ASTN1: variants seen among roughly 807,000 people sequenced by gnomAD.
The protein encoded by ASTN1 is astrotactin-1.
A neutral mutation model predicts 140.7 loss-of-function variants in ASTN1; 41 were observed. The ratio of observed to expected loss-of-function variants is 0.29; its 90% confidence interval spans 0.23 to 0.38. The LOEUF (loss-of-function observed/expected upper bound fraction) is 0.38, where lower values mean the gene tolerates loss of function less well. ASTN1 is among the 10% of genes least tolerant of loss of function. The pLI is 1.00. For missense variants in ASTN1, 1,479 were observed against 1,678.8 expected (o/e 0.88, Z 2.08); for synonymous variants, 640 against 652.2 (o/e 0.98, Z 0.29).
chr1:177,140,049 A>G (rs1475836003), intron 1 of ASTN1, among the ~76,000 whole-genome samples: 1 of 152,244 alleles, frequency 6.6e-6, no homozygotes, highest in Non-Finnish European at 1.5e-5. Context: ...GAACTCAAAA[A>G]TGTCCAGTTG....
chr1:177,067,456 C>T (rs552792123), intron 1 of ASTN1, among the ~76,000 whole-genome samples: 3 of 152,056 alleles, frequency 2.0e-5, no homozygotes, highest in Non-Finnish European at 2.9e-5. Context: ...AAAGATAGGC[C>T]TATGATAGAA....
intron 5 of ASTN1, among the ~76,000 whole-genome samples, chr1:177,027,948 A>T (rs1282588309): frequency 2.6e-5 from 4 of 151,836 alleles, no homozygotes; most frequent in African/African-American, 9.7e-5. Flanking sequence ...CACAAACCTG[A>T]CCCACAGCAG....
chr1:177,127,197 T>A (rs1681698954), intron 1 of ASTN1, among the ~76,000 whole-genome samples: 1 of 152,204 alleles, frequency 6.6e-6, no homozygotes, highest in Non-Finnish European at 1.5e-5. Flanking sequence ...TCTCTGATAG[T>A]TCTGAAATTT....
intron 1 of ASTN1, among the ~76,000 whole-genome samples, chr1:177,138,993 G>A (rs1682330714): frequency 6.6e-6 from 1 of 152,196 alleles, no homozygotes; most frequent in African/African-American, 2.4e-5. Flanking sequence ...ACTCCGCCAT[G>A]CAGAAAATTG....
intron 16 of ASTN1, among the ~76,000 whole-genome samples, chr1:176,908,581 A>G (rs1471379475): frequency 1.3e-5 from 2 of 152,180 alleles, no homozygotes; most frequent in Admixed American, 6.5e-5. Context: ...TTCACATTCA[A>G]AGCTCTGAGA....
chr1:177,077,441 T>C (rs1480161397), intron 1 of ASTN1, among the ~76,000 whole-genome samples: 1 of 152,204 alleles, frequency 6.6e-6, no homozygotes, highest in Non-Finnish European at 1.5e-5. Context: ...TTCTACTTCA[T>C]ACTAGCTTGT....
At chr1:176,959,795 G>A (rs1672575619) in intron 9 of ASTN1, among the ~76,000 whole-genome samples, 1 of 152,138 alleles carries the variant, frequency 6.6e-6, no homozygotes. Context: ...CTACTTCTCT[G>A]ACCAGTTGGT....
At chr1:177,025,731 G>A (rs1313080378) in intron 5 of ASTN1, among the ~76,000 whole-genome samples, 1 of 152,134 alleles carries the variant, frequency 6.6e-6, no homozygotes, top group Non-Finnish European at 1.5e-5. Context: ...AAGCCTATGA[G>A]TCTGTATGGG....
At chr1:177,032,398 CT>C (rs1330419009) in intron 3 of ASTN1, 57 bp downstream of exon 3, 1 of 1,572,642 alleles carries the variant, frequency 6.4e-7, no homozygotes, top group Non-Finnish European at 8.6e-7. Flanking sequence ...TTCCTACCCA[CT>C]CCCCAGCTCC....
chr1:177,036,155 A>G (rs1016796335), intron 2 of ASTN1, among the ~76,000 whole-genome samples: 3 of 149,650 alleles, frequency 2.0e-5, no homozygotes, highest in African/African-American at 7.4e-5. Context: ...GGTTCAAGCA[A>G]TTCTCCTGCC....
intron 1 of ASTN1, among the ~76,000 whole-genome samples, chr1:177,106,632 A>G (rs1283980099): frequency 6.6e-6 from 1 of 152,180 alleles, no homozygotes; most frequent in African/African-American, 2.4e-5. Flanking sequence ...ATACGCAAAA[A>G]TTTGAGTCTA....
rs189466103 is a variant in ASTN1, at chr1:177,089,967, C to T, written c.284-28702G>A. Among the ~76,000 whole-genome samples the T allele has an allele frequency of 1.8e-4, 28 of 152,146 alleles. No individual in the cohort carries two copies. The East Asian group carries it at 5.4e-3, about 29-fold the overall frequency. On this transcript the variant is annotated intron_variant, in intron 1 of 22. Coordinates refer to ENST00000361833, the MANE Select transcript of ASTN1 (RefSeq NM_004319.3). The stretch of plus-strand genomic sequence containing the variant: ...AACCATCAGTTGTCAATATGTTAAT[C>T]TGGCCTTACTCACATGAACCTACAT...
At chr1:176,886,090 T>C (rs1669020933) in intron 18 of ASTN1, among the ~76,000 whole-genome samples, 1 of 152,058 alleles carries the variant, frequency 6.6e-6, no homozygotes. Flanking sequence ...GAACACAAAT[T>C]CTGTGAAAAT....
chr1:177,075,645 C>CTTTTTTTT (rs5778927), intron 1 of ASTN1, among the ~76,000 whole-genome samples: 9 of 99,538 alleles, frequency 9.0e-5, no homozygotes, highest in African/African-American at 1.3e-4. Context: ...CTTTTCTTTT[C>CTTTTTTTT]TTTTTTTTTT....
At chr1:176,897,274 C>CAA (rs56828059) in intron 16 of ASTN1, among the ~76,000 whole-genome samples, 9,880 of 42,716 alleles carry the variant, frequency 0.23, 948 homozygotes, top group Non-Finnish European at 0.29. Context: ...GACTCCGTCT[C>CAA]AAAAAAAAAA....
chr1:177,134,487 C>T (rs990561687), intron 1 of ASTN1, among the ~76,000 whole-genome samples: 1 of 152,144 alleles, frequency 6.6e-6, no homozygotes, highest in Admixed American at 6.5e-5. Flanking sequence ...GTCTGTTCCC[C>T]ACCAACCCAC....
chr1:176,975,530 G>A (rs1571592584), intron 8 of ASTN1, among the ~76,000 whole-genome samples: 1 of 152,206 alleles, frequency 6.6e-6, no homozygotes, highest in Non-Finnish European at 1.5e-5. Flanking sequence ...ACTGGCCTCC[G>A]GGTATAAAGT....
chr1:177,016,104 C>T (rs868427599), intron 7 of ASTN1, among the ~76,000 whole-genome samples: 9 of 152,082 alleles, frequency 5.9e-5, no homozygotes, highest in Middle Eastern at 3.4e-3. Flanking sequence ...CCAGTAAAAA[C>T]GAAGTGAAGG....
intron 11 of ASTN1, among the ~76,000 whole-genome samples, chr1:176,950,981 C>T (rs1672166970): frequency 6.6e-6 from 1 of 152,144 alleles, no homozygotes; most frequent in African/African-American, 2.4e-5. Context: ...TGAAAACTCA[C>T]CTCTCCTTCC....
Sources: gnomAD v4.1 joint callset for allele counts (sites outside exome capture counted in the v4.1 genomes callset) on GRCh38, gnomAD v4.1.1 for gene constraint, MANE v1.5 for transcripts, NCBI Gene and HGNC (gene_info 2026-07-23, HGNC 2026-07-21) for gene names.